The following CNTNAP5 variants were observed in gnomAD, a reference collection of about 807,000 sequenced individuals.
CNTNAP5 encodes contactin associated protein family member 5.
CNTNAP5 carries 72 observed loss-of-function variants against 150.2 expected under a neutral mutation model. The observed-to-expected ratio is 0.48, with a 90% CI of 0.40 to 0.58. CNTNAP5 has a LOEUF of 0.58. Ranked by LOEUF, CNTNAP5 falls within the 20% of genes least tolerant of loss-of-function variation. The pLI, the probability that CNTNAP5 is intolerant of heterozygous loss-of-function variation, is 0.00. For missense variants in CNTNAP5, 1,636 were observed against 1,626.2 expected, an observed-to-expected ratio of 1.01 and a Z score of -0.10; for synonymous variants, 672 against 619.8, an observed-to-expected ratio of 1.08 and a Z score of -1.25.
chr2:124,859,566 C>T (rs1156929745), intron 19 of CNTNAP5, among the ~76,000 whole-genome samples: 1 of 152,148 alleles, frequency 6.6e-6, no homozygotes, highest in Admixed American at 6.5e-5. Context: ...TGGGTATATA[C>T]CCAAAGGATT....
intron 14 of CNTNAP5, 68 bp from the exon 15 acceptor site, chr2:124,763,604 G>T: frequency 6.7e-7 from 1 of 1,491,640 alleles, no homozygotes. Flanking sequence ...GAAAAGAGGG[G>T]TCATGGAAAA....
chr2:124,042,569 C>G (rs561598212), intron 1 of CNTNAP5, among the ~76,000 whole-genome samples: 4 of 152,106 alleles, frequency 2.6e-5, no homozygotes, highest in African/African-American at 7.2e-5. Flanking sequence ...GGACTAGGAA[C>G]TGCAAAGGTA....
At chr2:124,378,202 G>A (rs563985289) in intron 3 of CNTNAP5, among the ~76,000 whole-genome samples, 1 of 151,590 alleles carries the variant, frequency 6.6e-6, no homozygotes, top group African/African-American at 2.4e-5. Flanking sequence ...ACTTCATGAG[G>A]ACAACAAAAA....
rs1438484979 is a variant in CNTNAP5 at position 124,789,920 on chromosome 2, A to G, written c.2771A>G (p.Gln924Arg). The change falls in exon 18 of 24, where the codon CAG becomes CGG. Residue 924 changes from glutamine to arginine, a missense_variant. Gln to Arg is a conservative substitution (Grantham distance 43). Transcript: ENST00000682447. ...CTCTTAGGGGGAACGTCATCCAGAC[A>G]GAAAGGCTTCCTAGGATGCATTCGC... ...QLFVGGTSSRQKGFLGCIRSL... is the reference protein window; with the variant it reads ...QLFVGGTSSRRKGFLGCIRSL... The G allele has an allele frequency of 5.0e-6, 8 of 1,613,246 alleles. No individual in the cohort carries two copies. In the African/African-American group the frequency reaches 9.3e-5, roughly 19 times the overall value.
At chr2:124,504,660 T>C (rs1359086390) in intron 8 of CNTNAP5, 104 bp downstream of exon 8, 1 of 1,127,668 alleles carries the variant, frequency 8.9e-7, no homozygotes, top group Admixed American at 2.6e-5. Flanking sequence ...GGATATGGGT[T>C]AGCCCAGTAT....
chr2:124,307,352 A>G (rs1382966218), intron 3 of CNTNAP5, among the ~76,000 whole-genome samples: 8 of 152,094 alleles, frequency 5.3e-5, no homozygotes, highest in Admixed American at 5.2e-4. Flanking sequence ...ATTAGCTCCC[A>G]AGGTCCCATC....
At chr2:124,646,885 A>G (rs1481105004) in intron 12 of CNTNAP5, among the ~76,000 whole-genome samples, 1 of 152,170 alleles carries the variant, frequency 6.6e-6, no homozygotes, top group African/African-American at 2.4e-5. Context: ...AGGTGGGAGA[A>G]TTGCTTGAGC....
intron 11 of CNTNAP5, among the ~76,000 whole-genome samples, chr2:124,606,601 A>G (rs1242853093): frequency 6.6e-6 from 1 of 152,180 alleles, no homozygotes; most frequent in Non-Finnish European, 1.5e-5. Context: ...GAGACTGCGC[A>G]ATTTACAAAA....
chr2:124,640,865 G>A (rs1448540128), intron 12 of CNTNAP5, among the ~76,000 whole-genome samples: 6 of 151,996 alleles, frequency 3.9e-5, no homozygotes, highest in African/African-American at 1.5e-4. Context: ...GGTGGCTCAC[G>A]CTTGTAATCC....
chr2:124,174,162 A>G (rs1685007400), intron 1 of CNTNAP5, among the ~76,000 whole-genome samples: 1 of 152,086 alleles, frequency 6.6e-6, no homozygotes, highest in South Asian at 2.1e-4. Context: ...TTGACAATGC[A>G]CCTGGTTACC....
chr2:124,115,792 T>TTGTGTGTGTGTGTGTG lies in CNTNAP5; in HGVS notation c.82+90080_82+90095dup, dbSNP rs5834038. On this transcript the variant is annotated intron_variant, in intron 1 of 23. Transcript: ENST00000682447. The stretch of plus-strand genomic sequence containing the variant: ...GGCAGATGCCACCACGCCTGGCTAA[T>TTGTGTGTGTGTGTGTG]TGTGTGTGTGTGTGTGTGTGTGTGT... Among the ~76,000 whole-genome samples the TTGTGTGTGTGTGTGTG allele has an allele frequency of 9.5e-3, 1,318 of 138,272 alleles. 24 individuals are homozygous for TTGTGTGTGTGTGTGTG. The highest frequency in any genetic ancestry group is 0.059 in the East Asian group (254 of 4,328). 90.7% of individuals were successfully genotyped at this position (138,272 alleles called of 152,430 possible).
intron 19 of CNTNAP5, among the ~76,000 whole-genome samples, chr2:124,816,623 GC>G (rs1188173132): frequency 1.3e-5 from 2 of 151,690 alleles, no homozygotes; most frequent in African/African-American, 4.8e-5. Flanking sequence ...GATTACAGGT[GC>G]CCACTGCCAC....
At chr2:124,375,234 A>G (rs1234904168) in intron 3 of CNTNAP5, among the ~76,000 whole-genome samples, 1 of 151,452 alleles carries the variant, frequency 6.6e-6, no homozygotes, top group Non-Finnish European at 1.5e-5. Flanking sequence ...CTCCAAAGAT[A>G]TTTATTAATT....
At chr2:124,415,631 T>C (rs969094035) in intron 3 of CNTNAP5, among the ~76,000 whole-genome samples, 58 of 152,298 alleles carry the variant, frequency 3.8e-4, no homozygotes, top group African/African-American at 1.0e-3. Context: ...GTTTTATCTA[T>C]GAATATTAGA....
At chr2:124,123,921 A>AC (rs1392464233) in intron 1 of CNTNAP5, among the ~76,000 whole-genome samples, 2 of 152,180 alleles carry the variant, frequency 1.3e-5, no homozygotes, top group Non-Finnish European at 2.9e-5. Context: ...ATCATCAAAG[A>AC]CCAAAGGTAG....
intron 10 of CNTNAP5, among the ~76,000 whole-genome samples, chr2:124,546,892 A>T (rs1695524490): frequency 6.6e-6 from 1 of 152,144 alleles, no homozygotes; most frequent in South Asian, 2.1e-4. Context: ...AGATTGTTTT[A>T]TTGATTCATT....
chr2:124,153,731 T>A (rs1684458636), intron 1 of CNTNAP5, among the ~76,000 whole-genome samples: 1 of 151,180 alleles, frequency 6.6e-6, no homozygotes, highest in Non-Finnish European at 1.5e-5. Context: ...TGCCTCAGCT[T>A]CCCAAGTAGC....
intron 7 of CNTNAP5, among the ~76,000 whole-genome samples, chr2:124,503,632 C>T (rs1504000): frequency 0.85 from 129,381 of 152,194 alleles, 55,152 homozygotes; most frequent in East Asian, 1. Context: ...GAATGAAAAC[C>T]ATTCAGGAAG....
At chr2:124,183,405 T>A (rs959403477) in intron 1 of CNTNAP5, among the ~76,000 whole-genome samples, 2 of 152,228 alleles carry the variant, frequency 1.3e-5, no homozygotes, top group African/African-American at 4.8e-5. Context: ...AGTAAAAATG[T>A]CTAGTTTCTT....
Sources: allele counts gnomAD v4.1 joint callset (sites outside exome capture counted in the v4.1 genomes callset), GRCh38; gene constraint gnomAD v4.1.1; transcripts MANE v1.5; gene names NCBI Gene and HGNC (gene_info 2026-07-23, HGNC 2026-07-21).